FHIT: variants seen among roughly 807,000 people sequenced by gnomAD.
The protein encoded by FHIT is bis(5'-adenosyl)-triphosphatase.
Under a neutral mutation model 17.9 loss-of-function variants are expected in FHIT, and 19 were observed. The observed-to-expected ratio is 1.06, with a 90% CI of 0.74 to 1.56. FHIT has a LOEUF of 1.56. Among genes scored for constraint, FHIT ranks in the 40% most tolerant of loss-of-function variants. The pLI is 0.00. For missense variants in FHIT, 248 were observed against 189.2 expected (o/e 1.31, Z -1.82); for synonymous variants, 81 against 69.7 (o/e 1.16, Z -0.81).
intron 4 of FHIT, among the ~76,000 whole-genome samples, chr3:60,773,887 T>C (rs1700128833): frequency 1.3e-5 from 2 of 152,250 alleles, no homozygotes; most frequent in Non-Finnish European, 2.9e-5. Context: ...TCATTTTGCC[T>C]TTAATCATCT....
chr3:60,458,702 G>T (rs2032268547), intron 5 of FHIT, among the ~76,000 whole-genome samples: 1 of 152,092 alleles, frequency 6.6e-6, no homozygotes, highest in African/African-American at 2.4e-5. Flanking sequence ...GCCAACTCTA[G>T]ATGTCAAAAG....
intron 5 of FHIT, among the ~76,000 whole-genome samples, chr3:60,267,325 C>G (rs1706632878): frequency 6.6e-6 from 1 of 151,848 alleles, no homozygotes; most frequent in African/African-American, 2.4e-5. Context: ...TATACACACA[C>G]ACACAATAAA....
At chr3:60,609,356 A>AGCTGTGTCGCCCAGGCTGGAGT (rs1440922916) in intron 4 of FHIT, among the ~76,000 whole-genome samples, 10 of 151,606 alleles carry the variant, frequency 6.6e-5, no homozygotes, top group African/African-American at 2.4e-4. Context: ...GACTGAGTCT[A>AGCTGTGTCGCCCAGGCTGGAGT]GCTGTGTCGC....
chr3:60,089,204 C>G (rs1480102418), intron 5 of FHIT, among the ~76,000 whole-genome samples: 2 of 152,192 alleles, frequency 1.3e-5, no homozygotes, highest in Non-Finnish European at 2.9e-5. Flanking sequence ...GACCTATAAT[C>G]AGAGGTCTTA....
chr3:60,353,064 G>C (rs930440272), intron 5 of FHIT, among the ~76,000 whole-genome samples: 1 of 152,122 alleles, frequency 6.6e-6, no homozygotes. Context: ...TATTTCAACA[G>C]TTTAACAAGA....
intron 3 of FHIT, among the ~76,000 whole-genome samples, chr3:60,855,224 C>T (rs1703332524): frequency 6.6e-6 from 1 of 152,098 alleles, no homozygotes; most frequent in Non-Finnish European, 1.5e-5. Context: ...ACTGGTCTAA[C>T]CCAATCATGG....
intron 5 of FHIT, among the ~76,000 whole-genome samples, chr3:60,056,291 G>A (rs1702077084): frequency 1.3e-5 from 2 of 152,126 alleles, no homozygotes; most frequent in Admixed American, 1.3e-4. Context: ...TAGAAAGCTT[G>A]GTTTGCTTCT....
intron 5 of FHIT, among the ~76,000 whole-genome samples, chr3:60,421,900 T>G (rs1363952071): frequency 6.6e-6 from 1 of 152,094 alleles, no homozygotes; most frequent in Non-Finnish European, 1.5e-5. Context: ...AGAGACTTGT[T>G]CAGGGGCCAT....
chr3:59,747,614 T>A lies in FHIT; in HGVS notation c.*1971A>T, dbSNP rs1419743882. ...TTTGGTCTTATAGTCTTTATTCTTATATAGGGCATCTCTGGATATAGGTGT... is the reference window on the plus strand; with the variant it reads ...TTTGGTCTTATAGTCTTTATTCTTAAATAGGGCATCTCTGGATATAGGTGT... On this transcript the variant is annotated 3_prime_UTR_variant, in exon 10 of 10. Transcript: ENST00000492590. Among the ~76,000 whole-genome samples the A allele has an allele frequency of 6.6e-6, 1 of 152,144 alleles. No homozygotes were observed. Among genetic ancestry groups the A allele is most frequent in the East Asian group, 1.9e-4 (1 of 5,172 alleles).
intron 5 of FHIT, among the ~76,000 whole-genome samples, chr3:60,521,931 T>A (rs1245613327): frequency 6.6e-6 from 1 of 152,042 alleles, no homozygotes; most frequent in East Asian, 1.9e-4. Context: ...ATCATTTCCA[T>A]GGTTTGAGTT....
intron 5 of FHIT, among the ~76,000 whole-genome samples, chr3:60,105,937 C>T (rs140160183): frequency 5.0e-4 from 76 of 152,288 alleles, no homozygotes; most frequent in African/African-American, 1.8e-3. Flanking sequence ...CTTTCAGTTA[C>T]CCTTGGTTAA....
At chr3:60,844,988 T>A (rs1399262807) in intron 3 of FHIT, among the ~76,000 whole-genome samples, 2 of 152,066 alleles carry the variant, frequency 1.3e-5, no homozygotes, top group African/African-American at 4.8e-5. Flanking sequence ...AGATTTGTTC[T>A]AAATTAATAA....
intron 5 of FHIT, among the ~76,000 whole-genome samples, chr3:60,143,191 G>T (rs1358035035): frequency 6.6e-6 from 1 of 152,174 alleles, no homozygotes; most frequent in Non-Finnish European, 1.5e-5. Flanking sequence ...GCACATCATA[G>T]CCACGGTAGA....
intron 5 of FHIT, among the ~76,000 whole-genome samples, chr3:60,340,460 C>T (rs1710461145): frequency 6.6e-6 from 1 of 152,104 alleles, no homozygotes; most frequent in African/African-American, 2.4e-5. Flanking sequence ...ACCATCCATG[C>T]CCTTCAGATG....
At chr3:60,071,129 CAATA>C (rs1205819787) in intron 5 of FHIT, among the ~76,000 whole-genome samples, 1 of 152,094 alleles carries the variant, frequency 6.6e-6, no homozygotes, top group Non-Finnish European at 1.5e-5. Context: ...CCTGCTGTAT[CAATA>C]GAGTAGAGCC....
chr3:60,296,176 A>G (rs543362803), intron 5 of FHIT, among the ~76,000 whole-genome samples: 1 of 152,166 alleles, frequency 6.6e-6, no homozygotes, highest in African/African-American at 2.4e-5. Flanking sequence ...AATCTTCGGT[A>G]TGTTCTTATC....
chr3:60,500,831 C>T (rs959958984), intron 5 of FHIT, among the ~76,000 whole-genome samples: 2 of 146,932 alleles, frequency 1.4e-5, no homozygotes, highest in African/African-American at 5.0e-5. Context: ...GGTCAGCTGG[C>T]TGAAATCATA....
chr3:60,879,232 G>A (rs184117583), intron 3 of FHIT, among the ~76,000 whole-genome samples: 102 of 152,192 alleles, frequency 6.7e-4, no homozygotes, highest in Middle Eastern at 3.4e-3. Context: ...GCATTTCTCT[G>A]ATGGCCAGTG....
rs189062368 is a variant in FHIT at position 60,286,609 on chromosome 3, T to G, written c.103+250251A>C. On this transcript the variant is annotated intron_variant, in intron 5 of 9. Transcript: ENST00000492590. The stretch of plus-strand genomic sequence containing the variant: ...TATCTCAAACAGAGTGGCCTCTGAA[T>G]TTTCCTCCTAACAAGGAGCTTAATC... Among the ~76,000 whole-genome samples, 24 of 152,270 alleles carry G rather than the reference T, an allele frequency of 1.6e-4. No individual in the cohort carries two copies. The South Asian group carries it at 4.6e-3, about 29-fold the overall frequency.
Sources: gnomAD v4.1 joint callset for allele counts (sites outside exome capture counted in the v4.1 genomes callset) on GRCh38, gnomAD v4.1.1 for gene constraint, MANE v1.5 for transcripts, NCBI Gene and HGNC (gene_info 2026-07-23, HGNC 2026-07-21) for gene names.